Variants in SGCD observed in about 807,000 individuals in gnomAD.
SGCD encodes the protein delta-sarcoglycan.
A neutral mutation model predicts 36.6 loss-of-function variants in SGCD; 18 were observed. The observed-to-expected ratio is 0.49, with a 90% CI of 0.34 to 0.73. The LOEUF (loss-of-function observed/expected upper bound fraction) is 0.73. Among genes scored for constraint, SGCD ranks in the 30% least tolerant of loss-of-function variants. SGCD has a pLI of 0.01. For synonymous variants in SGCD, 133 were observed against 130.6 expected (o/e 1.02, Z -0.12); for missense variants, 387 against 346.7 (o/e 1.12, Z -0.92).
intron 3 of SGCD, among the ~76,000 whole-genome samples, chr5:156,429,918 T>C (rs1462878317): frequency 3.3e-5 from 5 of 152,166 alleles, no homozygotes; most frequent in Non-Finnish European, 5.9e-5. Context: ...CCTTTGTAGG[T>C]TACCTGATGC....
chr5:156,400,076 T>C (rs1184479392), intron 3 of SGCD, among the ~76,000 whole-genome samples: 1 of 152,204 alleles, frequency 6.6e-6, no homozygotes, highest in Non-Finnish European at 1.5e-5. Context: ...GTTTCATTGC[T>C]GCAGGCCTTT....
At chr5:156,415,789 C>A (rs1772998613) in intron 3 of SGCD, among the ~76,000 whole-genome samples, 1 of 152,094 alleles carries the variant, frequency 6.6e-6, no homozygotes, top group South Asian at 2.1e-4. Flanking sequence ...ATAAGTGAAT[C>A]CTGCTTTTGG....
intron 7 of SGCD, among the ~76,000 whole-genome samples, chr5:156,726,963 C>A (rs572580712): frequency 1.3e-5 from 2 of 152,306 alleles, no homozygotes; most frequent in African/African-American, 4.8e-5. Context: ...AGTACATTGT[C>A]CTATTCTCTA....
At chr5:156,626,670 T>G (rs1762452613) in intron 6 of SGCD, among the ~76,000 whole-genome samples, 1 of 152,212 alleles carries the variant, frequency 6.6e-6, no homozygotes, top group Non-Finnish European at 1.5e-5. Context: ...ATAGTTGAAG[T>G]AGACTTCAAA....
chr5:156,215,388 A>C (rs777630536), intron 3 of SGCD, among the ~76,000 whole-genome samples: 29 of 152,132 alleles, frequency 1.9e-4, no homozygotes, highest in Admixed American at 1.1e-3. Context: ...CAGAATGTAA[A>C]GACAGCCTTT....
At chr5:156,039,738 C>T (rs960516786) in intron 1 of SGCD, among the ~76,000 whole-genome samples, 13 of 152,176 alleles carry the variant, frequency 8.5e-5, no homozygotes, top group Non-Finnish European at 1.3e-4. Flanking sequence ...CCTTTTACTA[C>T]GGAGAGAGTA....
intron 3 of SGCD, among the ~76,000 whole-genome samples, chr5:156,241,165 A>C (rs1765294981): frequency 6.6e-6 from 1 of 152,002 alleles, no homozygotes; most frequent in South Asian, 2.1e-4. Context: ...GAAAGTCTGA[A>C]ATTTGGAAGA....
chr5:156,508,726 G>T, intron 4 of SGCD, 24 bp downstream of exon 4: 1 of 1,349,526 alleles, frequency 7.4e-7, no homozygotes. Context: ...GAGAGAAGGA[G>T]GCATTATTGT....
chr5:156,467,500 G>A (rs1754767846), intron 3 of SGCD, among the ~76,000 whole-genome samples: 1 of 152,122 alleles, frequency 6.6e-6, no homozygotes, highest in Non-Finnish European at 1.5e-5. Flanking sequence ...GAAAAATAAA[G>A]CACTAATAAA....
chr5:155,915,794 C>T (rs535706890), intron 1 of SGCD, among the ~76,000 whole-genome samples: 98 of 152,194 alleles, frequency 6.4e-4, no homozygotes, highest in Non-Finnish European at 1.2e-3. Context: ...TTTAAATTGG[C>T]GTTTGAGTAC....
At chr5:156,098,257 T>C (rs1167305225) in intron 1 of SGCD, among the ~76,000 whole-genome samples, 1 of 152,228 alleles carries the variant, frequency 6.6e-6, no homozygotes, top group Non-Finnish European at 1.5e-5. Flanking sequence ...TTGTTTCTTA[T>C]TTGAAATGGC....
chr5:156,581,561 T>C (rs1415788450), intron 4 of SGCD, among the ~76,000 whole-genome samples: 1 of 152,210 alleles, frequency 6.6e-6, no homozygotes, highest in African/African-American at 2.4e-5. Context: ...CTGGCTGAGC[T>C]GCATTGAGCT....
At chr5:155,847,028 T>A in the SGCD span, among the ~76,000 whole-genome samples, 2 of 152,144 alleles carry the variant, frequency 1.3e-5, no homozygotes, top group African/African-American at 2.4e-5. Context: ...TGTGGAAAAA[T>A]TCATAATACC....
chr5:155,961,620 G>A (rs544347429), intron 1 of SGCD, among the ~76,000 whole-genome samples: 1 of 152,078 alleles, frequency 6.6e-6, no homozygotes, highest in Non-Finnish European at 1.5e-5. Context: ...CCATCACATG[G>A]CAAGGCTTAA....
intron 3 of SGCD, among the ~76,000 whole-genome samples, chr5:156,192,397 A>G (rs918122049): frequency 6.6e-6 from 1 of 152,148 alleles, no homozygotes; most frequent in African/African-American, 2.4e-5. Flanking sequence ...ATGTGTTCTC[A>G]CTCATATGTG....
chr5:156,156,918 G>C (rs1227424108), intron 3 of SGCD, among the ~76,000 whole-genome samples: 1 of 151,594 alleles, frequency 6.6e-6, no homozygotes, highest in Non-Finnish European at 1.5e-5. Flanking sequence ...CAAGAAAGTA[G>C]AAACTGTCAA....
At chr5:156,635,180 C>T (rs1228763714) in intron 6 of SGCD, among the ~76,000 whole-genome samples, 1 of 152,114 alleles carries the variant, frequency 6.6e-6, no homozygotes, top group African/African-American at 2.4e-5. Context: ...GCTGTGATCA[C>T]ACCACTGCAC....
intron 4 of SGCD, among the ~76,000 whole-genome samples, chr5:156,513,651 A>G (rs1757034580): frequency 6.6e-6 from 1 of 152,250 alleles, no homozygotes; most frequent in Non-Finnish European, 1.5e-5. Flanking sequence ...AGGAGCTGAC[A>G]TTAGTTAAGC....
chr5:156,546,797 C>G lies in SGCD; in HGVS notation c.294+38095C>G, dbSNP rs150779522. The stretch of plus-strand genomic sequence containing the variant: ...TATATCTTGACTTGTTACAGTGAAC[C>G]CTGGCAGCTATCATAAGTATTTAAG... On this transcript the variant is annotated intron_variant, in intron 4 of 8. Coordinates refer to ENST00000337851, the MANE Select transcript of SGCD (RefSeq NM_000337.6). Among the ~76,000 whole-genome samples, 334 of 152,098 alleles carry G rather than the reference C, an allele frequency of 2.2e-3. 1 individual carries two copies. The highest frequency in any genetic ancestry group is 7.6e-3 in the African/African-American group (315 of 41,482).
Sources: allele counts gnomAD v4.1 joint callset (sites outside exome capture counted in the v4.1 genomes callset), GRCh38; gene constraint gnomAD v4.1.1; transcripts MANE v1.5; gene names NCBI Gene and HGNC (gene_info 2026-07-23, HGNC 2026-07-21).